The following ACSM2B variants were observed in gnomAD, a reference collection of about 807,000 sequenced individuals.
ACSM2B encodes acyl-CoA synthetase medium chain family member 2B.
In ACSM2B, 58 loss-of-function variants were observed where a neutral mutation model predicts 78.6. That is an observed-to-expected ratio of 0.74 (90% CI 0.60 to 0.92). The LOEUF (loss-of-function observed/expected upper bound fraction) is 0.92, where lower values mean the gene tolerates loss of function less well. ACSM2B is among the 40% of genes least tolerant of loss of function. ACSM2B has a pLI of 0.00. For synonymous variants in ACSM2B, 257 were observed against 256.8 expected (o/e 1.00, Z -0.01); for missense variants, 688 against 711.2 (o/e 0.97, Z 0.37).
rs764038642 is a variant in ACSM2B, at chr16:20,559,332, G to A, written c.293C>T (p.Ser98Leu). The A allele has an allele frequency of 1.9e-5, 30 of 1,608,856 alleles. No individual in the cohort carries two copies. The highest frequency in any genetic ancestry group is 2.2e-5 in the East Asian group (1 of 44,702). Residue 98 changes from serine to leucine, a missense_variant, in exon 3 of 14, where the codon TCG (serine) becomes TTG (leucine). Coordinates refer to ENST00000329697, the MANE Select transcript of ACSM2B (RefSeq NM_001105069.2). ...ENSQQAANIL[S>L]GACGLQRGDR... is the part of the protein sequence containing the mutation. ...CCCACGCTGCAGGCCACAGGCTCCC[G>A]AGAGGATGTTGGCTGCCTGCTGGCT...
chr16:20,567,105 A>G (rs2015920577), intron 1 of ACSM2B, among the ~76,000 whole-genome samples: 1 of 135,878 alleles, frequency 7.4e-6, no homozygotes, highest in East Asian at 2.0e-4. Context: ...ATATCATAAT[A>G]TATATAATAG....
chr16:20,542,831 C>T (rs2015033471), intron 12 of ACSM2B, 83 bp downstream of exon 12: 2 of 1,554,892 alleles, frequency 1.3e-6, no homozygotes, highest in Middle Eastern at 1.9e-4. Flanking sequence ...TGTTCAGCCC[C>T]ACAGTCCCTG....
chr16:20,570,642 T>C (rs1272284589), intron 1 of ACSM2B, among the ~76,000 whole-genome samples: 1 of 151,904 alleles, frequency 6.6e-6, no homozygotes, highest in Non-Finnish European at 1.5e-5. Flanking sequence ...GTACCAATTC[T>C]TCTTTGAATG....
intron 2 of ACSM2B, among the ~76,000 whole-genome samples, chr16:20,563,024 T>C (rs984435766): frequency 1.3e-5 from 2 of 152,136 alleles, no homozygotes; most frequent in Admixed American, 6.6e-5. Context: ...GTAGCACCCA[T>C]TCCTTAGCCC....
chr16:20,564,391 A>G (rs2015755880), intron 2 of ACSM2B, among the ~76,000 whole-genome samples: 2 of 152,122 alleles, frequency 1.3e-5, no homozygotes, highest in South Asian at 2.1e-4. Context: ...CTGGGAGGTC[A>G]CAACAGAGCA....
At chr16:20,563,642 AT>A (rs1198455126) in intron 2 of ACSM2B, among the ~76,000 whole-genome samples, 1 of 151,880 alleles carries the variant, frequency 6.6e-6, no homozygotes, top group Admixed American at 6.6e-5. Flanking sequence ...CAATTTTAAA[AT>A]GTTGAACCTT....
chr16:20,557,922 C>T (rs2015526280), intron 3 of ACSM2B, among the ~76,000 whole-genome samples: 1 of 152,302 alleles, frequency 6.6e-6, no homozygotes, highest in South Asian at 2.1e-4. Context: ...TGGACATAGT[C>T]CAAGCTAACT....
chr16:20,554,390 T>C (rs919922738), intron 4 of ACSM2B, among the ~76,000 whole-genome samples: 1 of 152,180 alleles, frequency 6.6e-6, no homozygotes, highest in Non-Finnish European at 1.5e-5. Context: ...TGGAAGCACC[T>C]ACATATCTCT....
intron 1 of ACSM2B, among the ~76,000 whole-genome samples, chr16:20,567,872 T>C (rs1158445074): frequency 1.4e-5 from 2 of 142,794 alleles, no homozygotes; most frequent in South Asian, 4.2e-4. Flanking sequence ...TATATAGATA[T>C]ATACTATACT....
At position 20,542,661 on chromosome 16, in the gene ACSM2B, G is replaced by A. The variant is rs369494031; in HGVS notation, c.1509+253C>T. The A allele has an allele frequency of 6.2e-6, 3 of 487,034 alleles. No individual in the cohort carries two copies. The East Asian group carries it at 1.0e-4, about 17-fold the overall frequency. 30.2% of individuals were successfully genotyped at this position (487,034 alleles called of 1,614,324 possible). A position where few individuals can be genotyped will look rare whatever the true frequency, so the allele number is the denominator to read the frequency against. On this transcript the variant is annotated intron_variant, in intron 12 of 13. Transcript: ENST00000329697. Reference sequence around the variant, plus strand: ...ATATGGTAGTTCTGTTTAGTTTTTTGAGAAATCACCATACTTAAGTACTTT... The same window carrying A: ...ATATGGTAGTTCTGTTTAGTTTTTTAAGAAATCACCATACTTAAGTACTTT...
intron 12 of ACSM2B, 86 bp downstream of exon 12, chr16:20,542,828 C>A: frequency 2.0e-6 from 3 of 1,534,388 alleles, no homozygotes; most frequent in Non-Finnish European, 2.7e-6. Context: ...GAGTGTTCAG[C>A]CCCACAGTCC....
At chr16:20,552,431 A>T (rs2015343724) in intron 5 of ACSM2B, 134 bp from the exon 6 acceptor site, 2 of 1,317,602 alleles carry the variant, frequency 1.5e-6, no homozygotes, top group Non-Finnish European at 2.0e-6. Context: ...GTTTATAGGC[A>T]TATGTTTAAG....
intron 9 of ACSM2B, 44 bp downstream of exon 9, chr16:20,546,349 CA>C (rs1466081892): frequency 6.4e-7 from 1 of 1,568,344 alleles, no homozygotes; most frequent in East Asian, 2.3e-5. Flanking sequence ...TACTGAAAAT[CA>C]GTGTTTCCCC....
At chr16:20,557,833 T>A (rs535963738) in intron 3 of ACSM2B, among the ~76,000 whole-genome samples, 2 of 152,278 alleles carry the variant, frequency 1.3e-5, no homozygotes, top group African/African-American at 4.8e-5. Context: ...TTTGGAAAAA[T>A]TATGACACTG....
At chr16:20,557,070 C>A (rs899208967) in intron 3 of ACSM2B, among the ~76,000 whole-genome samples, 6 of 151,938 alleles carry the variant, frequency 3.9e-5, no homozygotes, top group Non-Finnish European at 7.4e-5. Context: ...GAGGTGGAAA[C>A]GGCAGTTTGT....
At position 20,548,204 on chromosome 16, in the gene ACSM2B, T is replaced by C. The variant is rs1311158167; in HGVS notation, c.975-19A>G. The C allele has an allele frequency of 4.3e-6, 7 of 1,613,912 alleles. 1 individual carries two copies. Among genetic ancestry groups the C allele is most frequent in the Non-Finnish European group, 5.1e-6 (6 of 1,179,844 alleles). ...CTTGTAACTGAAGAAGAGAAATAAA[T>C]GTTTGCCCTCAGCCTCCCTGGAACC... On this transcript the variant is annotated intron_variant, in intron 7 of 13. Coordinates refer to ENST00000329697, the MANE Select transcript of ACSM2B (RefSeq NM_001105069.2).
At chr16:20,568,966 CT>C (rs1341187310) in intron 1 of ACSM2B, among the ~76,000 whole-genome samples, 2 of 151,676 alleles carry the variant, frequency 1.3e-5, no homozygotes, top group Admixed American at 1.3e-4. Flanking sequence ...AATATTAGTC[CT>C]TTGTCAGATG....
chr16:20,550,127 C>A (rs2015263824), intron 6 of ACSM2B, among the ~76,000 whole-genome samples: 3 of 152,070 alleles, frequency 2.0e-5, no homozygotes, highest in Admixed American at 6.5e-5. Context: ...AGAACCCTGG[C>A]TGAGGAGGAA....
rs539766455 is a variant in ACSM2B at position 20,574,761 on chromosome 16, G to A, written c.-9+1446C>T. 10 of 150,608 alleles carry A rather than the reference G, an allele frequency of 6.6e-5. No homozygotes were observed. In the South Asian group the frequency reaches 2.1e-3, roughly 31 times the overall value. The allele number at this position is 150,608 out of a possible 1,614,324, so 9.3% of individuals were successfully genotyped here. ...AGCCACTAACATGATAAGAGCTTAT[G>A]TCTATTTTTCCACAATTTCAGTTCT... On this transcript the variant is annotated intron_variant, in intron 1 of 13. Transcript: ENST00000329697.
Sources: gnomAD v4.1 joint callset for allele counts (sites outside exome capture counted in the v4.1 genomes callset) on GRCh38, gnomAD v4.1.1 for gene constraint, MANE v1.5 for transcripts, NCBI Gene and HGNC (gene_info 2026-07-23, HGNC 2026-07-21) for gene names.